The following LY9 variants were observed in gnomAD, a reference collection of about 807,000 sequenced individuals.
LY9 encodes the protein T-lymphocyte surface antigen Ly-9.
In LY9, 59 loss-of-function variants were observed where a neutral mutation model predicts 64.6. The observed-to-expected ratio is 0.91, with a 90% CI of 0.74 to 1.13. The LOEUF is 1.13. Ranked by LOEUF, LY9 falls within the 50% of genes most tolerant of loss-of-function variation. The pLI is 0.00. For missense variants in LY9, 789 were observed against 797.2 expected (o/e 0.99, Z 0.12); for synonymous variants, 281 against 308.5 (o/e 0.91, Z 0.93).
intron 1 of LY9, among the ~76,000 whole-genome samples, chr1:160,796,729 T>A (rs771259809): frequency 7.9e-5 from 12 of 152,200 alleles, no homozygotes; most frequent in Non-Finnish European, 1.3e-4. Context: ...GAAATTACTT[T>A]GCATGTGTGC....
intron 1 of LY9, chr1:160,797,242 C>T (rs887814494): frequency 2.1e-5 from 21 of 985,438 alleles, no homozygotes; most frequent in Non-Finnish European, 1.8e-5. Flanking sequence ...TCTGTGCTCC[C>T]GCTTTCTCCA....
chr1:160,801,999 G>A (rs1259302355), intron 2 of LY9: 9 of 1,548,946 alleles, frequency 5.8e-6, no homozygotes, highest in South Asian at 1.2e-5. Context: ...GGGTCCTGCC[G>A]ATGGGACCCT....
Position 160,827,782 on chromosome 1 carries a change from T to C in LY9, c.1934T>C (p.Ile645Thr). 6.2e-7 allele frequency: 1 copy of C among 1,610,132 alleles called. No homozygotes were observed. Residue 645 changes from isoleucine to threonine, a missense_variant, in exon 10 of 10, where the codon ATT (isoleucine) becomes ACT (threonine). Physicochemically the swap from Ile to Thr is moderately conservative, Grantham distance 89 (BLOSUM62 -1). Coordinates refer to ENST00000263285, the MANE Select transcript of LY9 (RefSeq NM_002348.4). ...CCACCACAACAGAATGATCTTGAGA[T>C]TCCTGAAAGTCCTACCTATGAAAAT... is the stretch of plus-strand genomic sequence containing the variant. ...VPPPQQNDLEIPESPTYENFT is the reference protein window; with the variant it reads ...VPPPQQNDLETPESPTYENFT
intron 2 of LY9, chr1:160,813,089 A>T (rs548850308): frequency 2.5e-5 from 4 of 158,372 alleles, no homozygotes; most frequent in African/African-American, 9.6e-5. Flanking sequence ...TGTCTCAAAA[A>T]AGAAATATAA....
At chr1:160,798,627 C>G (rs1030217784) in intron 1 of LY9, among the ~76,000 whole-genome samples, 3 of 152,148 alleles carry the variant, frequency 2.0e-5, no homozygotes, top group African/African-American at 7.2e-5. Flanking sequence ...TGCCTCTCCA[C>G]AAGGTGCAAG....
intron 2 of LY9, among the ~76,000 whole-genome samples, chr1:160,803,392 C>A (rs1178501342): frequency 1.3e-5 from 2 of 151,970 alleles, no homozygotes; most frequent in African/African-American, 4.8e-5. Context: ...GCAATATGGT[C>A]ATTTTAACAA....
intron 2 of LY9, among the ~76,000 whole-genome samples, chr1:160,801,383 T>G (rs1233315644): frequency 1.3e-5 from 2 of 152,226 alleles, no homozygotes; most frequent in Admixed American, 1.3e-4. Flanking sequence ...CTGTATCCTT[T>G]GCCCACTTTT....
intron 2 of LY9, among the ~76,000 whole-genome samples, chr1:160,808,497 G>C (rs1351363794): frequency 3.9e-5 from 6 of 152,140 alleles, no homozygotes; most frequent in Non-Finnish European, 8.8e-5. Flanking sequence ...GCTCCCTATG[G>C]TAGTTTCAGG....
At chr1:160,814,384 G>C in intron 3 of LY9, 36 bp from the exon 4 acceptor site, 1 of 1,511,336 alleles carries the variant, frequency 6.6e-7, no homozygotes, top group South Asian at 1.2e-5. Flanking sequence ...AGTAGGGACA[G>C]TGACTGAAGC....
intron 2 of LY9, among the ~76,000 whole-genome samples, chr1:160,808,531 C>T (rs1007660123): frequency 2.6e-5 from 4 of 152,154 alleles, no homozygotes; most frequent in Admixed American, 6.5e-5. Flanking sequence ...AAAGGGGTCT[C>T]ATGTGGCCAG....
chr1:160,799,722 G>C, intron 1 of LY9, 31 bp from the exon 2 acceptor site: 1 of 1,427,878 alleles, frequency 7.0e-7, no homozygotes, highest in Admixed American at 1.9e-5. Flanking sequence ...GAGTCTAGCT[G>C]CTCCTCCAAG....
In LY9 at chr1:160,823,505, A is replaced by G. The variant is rs1266425731; in HGVS notation, c.1539A>G (p.Gln513=). ...ACACGCTATACTCTGTGCTCTCCCA[A>G]GGATATGAGAAGCTGGACACTCCCC... The part of the protein sequence containing the change: ...AGHTLYSVLS[Q]GYEKLDTPLR... The change falls in exon 8 of 10, where the codon CAA becomes CAG. Residue 513 remains glutamine, a synonymous_variant. Transcript: ENST00000263285. The G allele has an allele frequency of 6.2e-7, 1 of 1,614,108 alleles. No homozygotes were observed. Among genetic ancestry groups the G allele is most frequent in the East Asian group, 2.2e-5 (1 of 44,880 alleles).
At chr1:160,800,562 A>G (rs1279716811) in intron 2 of LY9, among the ~76,000 whole-genome samples, 5 of 152,008 alleles carry the variant, frequency 3.3e-5, no homozygotes, top group Non-Finnish European at 5.9e-5. Flanking sequence ...AATTGTTTAA[A>G]TATATTTAGG....
rs1283872218 is a variant in LY9, at chr1:160,816,829, T to C, written c.1308T>C (p.Ser436=). The change falls in exon 5 of 10, where the codon AGT becomes AGC. Residue 436 remains serine, a synonymous_variant. Coordinates refer to ENST00000263285, the MANE Select transcript of LY9 (RefSeq NM_002348.4). ...CAGCCAGCAACCCTGTCAGCAGGAGTTCCCACCAGTTTCTTTCTGAGAACA... is the reference window on the plus strand; with the variant it reads ...CAGCCAGCAACCCTGTCAGCAGGAGCTCCCACCAGTTTCTTTCTGAGAACA... ...TCTASNPVSR[S]SHQFLSENIC... is the part of the protein sequence containing the mutation. 32 of 1,613,902 alleles carry C rather than the reference T, an allele frequency of 2.0e-5. No homozygotes were observed. Among genetic ancestry groups the C allele is most frequent in the African/African-American group, 2.7e-5 (2 of 74,862 alleles).
chr1:160,800,582 T>C (rs961840091), intron 2 of LY9, among the ~76,000 whole-genome samples: 4 of 151,902 alleles, frequency 2.6e-5, no homozygotes, highest in African/African-American at 4.8e-5. Flanking sequence ...GGGGTACAAG[T>C]GTAGATTTAT....
intron 2 of LY9, among the ~76,000 whole-genome samples, chr1:160,806,357 T>C (rs1349354501): frequency 6.6e-6 from 1 of 152,186 alleles, no homozygotes; most frequent in Non-Finnish European, 1.5e-5. Context: ...AGTTTTATAC[T>C]TCTGTGTGTT....
chr1:160,814,469 C>T lies in LY9; in HGVS notation c.780C>T (p.Val260=), dbSNP rs375232078. 56 of 1,613,926 alleles carry T rather than the reference C, an allele frequency of 3.5e-5. No individual in the cohort carries two copies. The African/African-American group carries it at 6.8e-4, about 20-fold the overall frequency. The change falls in exon 4 of 10, where the codon GTC becomes GTT. Residue 260 remains valine (V), a synonymous_variant. Coordinates refer to ENST00000263285, the MANE Select transcript of LY9 (RefSeq NM_002348.4). ...CAACGGGGGAGACTGTGGTAGGGGTCCTGGGAGAGCCAGTCACCCTGCCAC... is the reference window on the plus strand; with the variant it reads ...CAACGGGGGAGACTGTGGTAGGGGTTCTGGGAGAGCCAGTCACCCTGCCAC... ...GGTTGETVVG[V]LGEPVTLPLA...
At chr1:160,820,457 C>T (rs767519037) in intron 7 of LY9, among the ~76,000 whole-genome samples, 3 of 152,178 alleles carry the variant, frequency 2.0e-5, no homozygotes, top group East Asian at 3.8e-4. Context: ...TGTCACCCCT[C>T]ATGGCAGGGA....
chr1:160,814,288 C>A, intron 3 of LY9, 132 bp from the exon 4 acceptor site: 2 of 711,804 alleles, frequency 2.8e-6, no homozygotes, highest in South Asian at 1.8e-5. Flanking sequence ...AGGCATGCCC[C>A]TCAGAGGAGG....
Sources: allele counts gnomAD v4.1 joint callset (sites outside exome capture counted in the v4.1 genomes callset), GRCh38; gene constraint gnomAD v4.1.1; transcripts MANE v1.5; gene names NCBI Gene and HGNC (gene_info 2026-07-23, HGNC 2026-07-21).